Variants in GDAP1 observed in about 807,000 individuals in gnomAD.
GDAP1 encodes the protein ganglioside induced differentiation associated protein 1.
GDAP1 carries 34 observed loss-of-function variants against 40.1 expected under a neutral mutation model. The observed-to-expected ratio is 0.85, with a 90% CI of 0.64 to 1.13. The LOEUF is 1.13. Among genes scored for constraint, GDAP1 ranks in the 50% most tolerant of loss-of-function variants. The pLI, the probability that GDAP1 is intolerant of heterozygous loss-of-function variation, is 0.00. For missense variants in GDAP1, 374 were observed against 433.7 expected (o/e 0.86, Z 1.22); for synonymous variants, 170 against 157.4 (o/e 1.08, Z -0.60).
rs190217586 is a variant in GDAP1 at position 74,451,294 on chromosome 8, A to G, written c.166-37384A>G. 4.9e-5 allele frequency among the ~76,000 whole-genome samples: 4 copies of G among 81,762 alleles called. 1 individual carries two copies. The East Asian group carries it at 1.4e-3, about 30-fold the overall frequency. 53.6% of individuals were successfully genotyped at this position (81,762 alleles called of 152,430 possible). A position where few individuals can be genotyped will look rare whatever the true frequency, so the allele number is the denominator to read the frequency against. Reference sequence around the variant, plus strand: ...GTGAAACCCTGTCTCTACTAAACATACAAAAATTAGCCGGGCATGGTGATG... The same window carrying G: ...GTGAAACCCTGTCTCTACTAAACATGCAAAAATTAGCCGGGCATGGTGATG... On this transcript the variant is annotated intron_variant, in intron 2 of 2. Transcript: ENST00000523640.
chr8:74,454,685 G>A lies in GDAP1; in HGVS notation c.166-33993G>A, dbSNP rs1481291901. ...CATTTCTGCTCAGTCATTGCTCTGG[G>A]CCCTAAAATAATATAATGCCAAATA... is the stretch of plus-strand genomic sequence containing the variant. On this transcript the variant is annotated intron_variant, in intron 2 of 2. Transcript: ENST00000523640. Among the ~76,000 whole-genome samples the A allele has an allele frequency of 1.7e-3, 34 of 19,954 alleles. 15 individuals carry two copies. In the South Asian group the frequency reaches 0.028, roughly 16 times the overall value. 13.1% of individuals were successfully genotyped at this position (19,954 alleles called of 152,430 possible).
At chr8:74,390,528 T>C (rs1319530831) in intron 2 of GDAP1, among the ~76,000 whole-genome samples, 1 of 152,294 alleles carries the variant, frequency 6.6e-6, no homozygotes, top group South Asian at 2.1e-4. Flanking sequence ...ACAGCAAAGA[T>C]TGCTCCCTAT....
rs183158873 is a variant in GDAP1, at chr8:74,401,882, C to T, written c.165+50561C>T. ...TGCAGAACAGCGGATTTTCTTGAACCGCGAATGCTGCTGTCTGATCGTTCC... is the reference window on the plus strand; with the variant it reads ...TGCAGAACAGCGGATTTTCTTGAACTGCGAATGCTGCTGTCTGATCGTTCC... On this transcript the variant is annotated intron_variant, in intron 2 of 2. Transcript: ENST00000523640. Among the ~76,000 whole-genome samples the T allele has an allele frequency of 6.1e-3, 920 of 149,982 alleles. 92 individuals carry two copies. Among genetic ancestry groups the T allele is most frequent in the African/African-American group, 0.022 (847 of 39,366 alleles).
intron 2 of GDAP1, among the ~76,000 whole-genome samples, chr8:74,432,423 T>C (rs1806039543): frequency 6.6e-6 from 1 of 152,204 alleles, no homozygotes; most frequent in African/African-American, 2.4e-5. Context: ...GCTTATAATA[T>C]TTGTCACTTA....
chr8:74,359,985 TGAA>T (rs529959689), intron 2 of GDAP1, 149 bp from the exon 3 acceptor site: 1,654 of 2,000 alleles, frequency 0.83, 793 homozygotes, highest in Middle Eastern at 1. Flanking sequence ...TTTCAAACTT[TGAA>T]TGAATGTCTG....
intron 2 of GDAP1, among the ~76,000 whole-genome samples, chr8:74,456,379 A>T (rs1806336514): frequency 6.6e-6 from 1 of 151,964 alleles, no homozygotes; most frequent in African/African-American, 2.4e-5. Context: ...AACATAGAAC[A>T]ACTACTTATC....
At chr8:74,355,857 A>T (rs990250258) in intron 2 of GDAP1, among the ~76,000 whole-genome samples, 2 of 152,162 alleles carry the variant, frequency 1.3e-5, no homozygotes, top group South Asian at 4.1e-4. Flanking sequence ...AATAGAATTT[A>T]GTTTGGAAAT....
intron 2 of GDAP1, among the ~76,000 whole-genome samples, chr8:74,397,396 G>A (rs28888760): frequency 0.52 from 78,456 of 151,732 alleles, 20,671 homozygotes; most frequent in African/African-American, 0.64. Flanking sequence ...TTTTGTTGCC[G>A]TTGCTTTTGG....
rs377188669 is a variant in GDAP1, at chr8:74,402,387, C to T, written c.165+51066C>T. Among the ~76,000 whole-genome samples the T allele has an allele frequency of 3.0e-4, 45 of 150,540 alleles. 9 individuals are homozygous for T. Among genetic ancestry groups the T allele is most frequent in the African/African-American group, 1.1e-3 (44 of 39,808 alleles). On this transcript the variant is annotated intron_variant, in intron 2 of 2. Transcript: ENST00000523640. ...TGCGGGATATAATCTCCTGGTGCAC[C>T]GTTTTTTAAGCCCTTCGGAAAAGCG...
chr8:74,459,083 G>C (rs1304998277), intron 2 of GDAP1, among the ~76,000 whole-genome samples: 1 of 152,122 alleles, frequency 6.6e-6, no homozygotes, highest in Non-Finnish European at 1.5e-5. Flanking sequence ...TAGTGAATTG[G>C]TTCACTAATG....
At chr8:74,420,919 T>C (rs1270362861) in intron 2 of GDAP1, among the ~76,000 whole-genome samples, 2 of 152,030 alleles carry the variant, frequency 1.3e-5, no homozygotes, top group Non-Finnish European at 2.9e-5. Context: ...GATGGGAGCC[T>C]GAGTCTTTTT....
chr8:74,365,539 TG>T lies in GDAP1; in HGVS notation c.*1174del, dbSNP rs1282930485. 2.2e-6 allele frequency: 1 copy of T among 454,292 alleles called. No homozygotes were observed. Among genetic ancestry groups the T allele is most frequent in the Non-Finnish European group, 4.4e-6 (1 of 226,788 alleles). 28.1% of individuals were successfully genotyped at this position (454,292 alleles called of 1,614,324 possible). A position where few individuals can be genotyped will look rare whatever the true frequency, so the allele number is the denominator to read the frequency against. Reference sequence around the variant, plus strand: ...GACAGGAAGACAGTTTCCCTGGAGCTGGCCATGAAGGCCTTAGAAGCCATTT... The same window carrying T: ...GACAGGAAGACAGTTTCCCTGGAGCTGCCATGAAGGCCTTAGAAGCCATTT... On this transcript the variant is annotated 3_prime_UTR_variant, in exon 6 of 6. Transcript: ENST00000220822.
intron 2 of GDAP1, among the ~76,000 whole-genome samples, chr8:74,473,600 T>C (rs973625612): frequency 2.6e-5 from 4 of 152,250 alleles, no homozygotes; most frequent in African/African-American, 7.2e-5. Context: ...ACAGATCAGA[T>C]GGTTATAGGT....
At chr8:74,358,102 C>A (rs1377904535) in intron 2 of GDAP1, among the ~76,000 whole-genome samples, 7 of 152,164 alleles carry the variant, frequency 4.6e-5, no homozygotes, top group Non-Finnish European at 1.0e-4. Flanking sequence ...ATCTCATGCT[C>A]TGACAGAGTG....
intron 2 of GDAP1, among the ~76,000 whole-genome samples, chr8:74,405,400 GA>G (rs1285479448): frequency 1.2e-4 from 18 of 150,226 alleles, no homozygotes; most frequent in Admixed American, 5.9e-4. Flanking sequence ...ATAATGACAA[GA>G]AAAAAGTCTT....
At chr8:74,449,528 A>G (rs1806271732) in intron 2 of GDAP1, among the ~76,000 whole-genome samples, 1 of 151,836 alleles carries the variant, frequency 6.6e-6, no homozygotes, top group Non-Finnish European at 1.5e-5. Flanking sequence ...TTTAGTTCAG[A>G]GAATTTGCAT....
In GDAP1 at chr8:74,365,693, G is replaced by A; in HGVS notation, c.*1326G>A. The A allele has an allele frequency of 2.2e-6, 1 of 454,406 alleles. No individual in the cohort carries two copies. Among genetic ancestry groups the A allele is most frequent in the Middle Eastern group, 6.9e-4 (1 of 1,444 alleles). 28.1% of individuals were successfully genotyped at this position (454,406 alleles called of 1,614,324 possible). A position where few individuals can be genotyped will look rare whatever the true frequency, so the allele number is the denominator to read the frequency against. ...ACCTAGGAAACAATGACTTTTTGAT[G>A]GCAAAATGATTTTTTAATTCTATTT... On this transcript the variant is annotated 3_prime_UTR_variant, in exon 6 of 6. Transcript: ENST00000220822.
chr8:74,459,444 A>G (rs997400160), intron 2 of GDAP1, among the ~76,000 whole-genome samples: 2 of 152,166 alleles, frequency 1.3e-5, no homozygotes, highest in Admixed American at 1.3e-4. Flanking sequence ...TGTGGATAGT[A>G]ATTCTATAGA....
chr8:74,401,162 C>G (rs1810327812), intron 2 of GDAP1, among the ~76,000 whole-genome samples: 1 of 149,028 alleles, frequency 6.7e-6, no homozygotes, highest in East Asian at 1.9e-4. Flanking sequence ...CAACTTGGTT[C>G]CATTCTCCCC....
Sources: gnomAD v4.1 joint callset for allele counts (sites outside exome capture counted in the v4.1 genomes callset) on GRCh38, gnomAD v4.1.1 for gene constraint, MANE v1.5 for transcripts, NCBI Gene and HGNC (gene_info 2026-07-23, HGNC 2026-07-21) for gene names.